The following BPTF variants were observed in gnomAD, a reference collection of about 807,000 sequenced individuals.
BPTF encodes bromodomain PHD finger transcription factor.
BPTF carries 18 observed loss-of-function variants against 292.5 expected under a neutral mutation model. That is an observed-to-expected ratio of 0.06 (90% CI 0.04 to 0.09). BPTF has a LOEUF of 0.09. Among genes scored for constraint, BPTF ranks in the 10% least tolerant of loss-of-function variants. The probability of loss-of-function intolerance (pLI) is 1.00; values close to 1 mark genes in which losing one functional copy is unlikely to be tolerated. For missense variants in BPTF, 2,726 were observed against 3,498.7 expected (o/e 0.78, Z 5.57); for synonymous variants, 1,225 against 1,251.9 (o/e 0.98, Z 0.45).
Position 67,904,786 on chromosome 17 carries a change from G to T in BPTF, c.2758G>T (p.Val920Phe). Reference sequence around the variant, plus strand: ...TAGTAAAACTCATGTTTATAGGTTTGTTCCTAAATTGCCAGGCAATACTAA... The same window carrying T: ...TAGTAAAACTCATGTTTATAGGTTTTTTCCTAAATTGCCAGGCAATACTAA... ...WISKTHVYRF[V>F]PKLPGNTNVN... is the part of the protein sequence containing the mutation. Residue 920 changes from valine to phenylalanine, a missense_variant, in exon 9 of 28, where the codon GTT becomes TTT. Val to Phe is a conservative substitution (Grantham distance 50, BLOSUM62 -1). Coordinates refer to ENST00000306378, the MANE Select transcript of BPTF (RefSeq NM_182641.4). 1.9e-6 allele frequency: 3 copies of T among 1,613,146 alleles called. No individual in the cohort carries two copies. Among genetic ancestry groups the T allele is most frequent in the Non-Finnish European group, 2.5e-6 (3 of 1,179,268 alleles).
Position 67,866,477 on chromosome 17 carries a change from G to A in BPTF, c.1450G>A (p.Glu484Lys). 1 of 1,607,782 alleles carries A rather than the reference G, an allele frequency of 6.2e-7. No homozygotes were observed. The highest frequency in any genetic ancestry group is 8.5e-7 in the Non-Finnish European group (1 of 1,174,372). Residue 484 changes from glutamate (E) to lysine (K), a missense_variant, in exon 3 of 28, where the codon GAA becomes AAA. Glu to Lys is a moderately conservative substitution (Grantham distance 56, BLOSUM62 1). Around this residue, in one of 22 missense-constraint regions of BPTF, gnomAD observed 187 missense variants for 201.5 expected, o/e 0.93. Coordinates refer to ENST00000306378, the MANE Select transcript of BPTF (RefSeq NM_182641.4). ...ATTTTTAAACAGAGAAGAAGATACA[G>A]AAAATGAAAATGAAAAGAAAATTTG... is the stretch of plus-strand genomic sequence containing the variant. ...NRRLIIEEDT[E>K]NENEKKIWYY...
intron 1 of BPTF, among the ~76,000 whole-genome samples, chr17:67,842,386 C>T (rs2057626563): frequency 6.6e-6 from 1 of 152,128 alleles, no homozygotes; most frequent in East Asian, 1.9e-4. Context: ...ATGTGATAGT[C>T]CTCAGCATTT....
At chr17:67,828,233 T>C (rs1456299788) in intron 1 of BPTF, among the ~76,000 whole-genome samples, 4 of 152,034 alleles carry the variant, frequency 2.6e-5, no homozygotes, top group Non-Finnish European at 4.4e-5. Flanking sequence ...CCCAGCCTAG[T>C]ACGTTTTTTA....
intron 22 of BPTF, 65 bp from the exon 23 acceptor site, chr17:67,948,016 A>G: frequency 6.7e-7 from 1 of 1,481,678 alleles, no homozygotes; most frequent in Admixed American, 1.8e-5. Flanking sequence ...GGCATAGAAG[A>G]ATGATGTCTT....
intron 25 of BPTF, chr17:67,965,657 G>A (rs1369363367): frequency 3.9e-5 from 6 of 151,924 alleles, no homozygotes; most frequent in Non-Finnish European, 8.8e-5. Flanking sequence ...AGCCAAGATC[G>A]AGCCACGGCA....
At chr17:67,938,259 C>G (rs1484583411) in intron 18 of BPTF, among the ~76,000 whole-genome samples, 2 of 152,206 alleles carry the variant, frequency 1.3e-5, no homozygotes, top group African/African-American at 4.8e-5. Flanking sequence ...GGCAATGTAT[C>G]TGTACCAGGT....
In BPTF at chr17:67,946,046, T is replaced by G. The variant is rs369797684; in HGVS notation, c.7338T>G (p.Ser2446=). 70 of 1,614,076 alleles carry G rather than the reference T, an allele frequency of 4.3e-5. No homozygotes were observed. The highest frequency in any genetic ancestry group is 5.7e-5 in the Non-Finnish European group (67 of 1,180,038). ...PQLQQQVQVL[S]QIQSQVVAQI... ...TGCAACAACAAGTCCAGGTTCTCTCTCAGATCCAGTCACAGGTTGTGGCTC... is the reference window on the plus strand; with the variant it reads ...TGCAACAACAAGTCCAGGTTCTCTCGCAGATCCAGTCACAGGTTGTGGCTC... The change falls in exon 21 of 28, where the codon TCT becomes TCG. Residue 2446 remains serine (S), a synonymous_variant. Coordinates refer to ENST00000306378, the MANE Select transcript of BPTF (RefSeq NM_182641.4).
At chr17:67,906,719 A>AT (rs1355632803) in intron 9 of BPTF, among the ~76,000 whole-genome samples, 2 of 152,082 alleles carry the variant, frequency 1.3e-5, no homozygotes, top group Non-Finnish European at 2.9e-5. Context: ...AAATAGATAT[A>AT]TTTTTTATAT....
chr17:67,981,817 T>G, intron 27 of BPTF: 2 of 820,474 alleles, frequency 2.4e-6, no homozygotes, highest in South Asian at 1.1e-4. Context: ...GCTTTTTCTT[T>G]TGTTTTAGCG....
chr17:67,942,383 C>G (rs1461844659), intron 19 of BPTF, among the ~76,000 whole-genome samples: 1 of 151,910 alleles, frequency 6.6e-6, no homozygotes, highest in Non-Finnish European at 1.5e-5. Context: ...TCCCAAATTC[C>G]AAAAAACTGC....
Position 67,959,715 on chromosome 17 carries a change from A to C in BPTF, c.8101A>C (p.Thr2701Pro). The change falls in exon 24 of 28, where the codon ACG (threonine) becomes CCG (proline). Residue 2701 changes from threonine (T) to proline (P), a missense_variant. Thr to Pro is a conservative substitution (Grantham distance 38). This residue lies in a region of BPTF where 148 missense variants were observed against 145.5 expected (regional missense o/e 1.02). Transcript: ENST00000306378. ...PAVQHTGLLSTPTLPAASQKR... is the reference protein window; with the variant it reads ...PAVQHTGLLSPPTLPAASQKR... ...TGTGCAACACACAGGCCTTCTGTCC[A>C]CGCCCACCTTACCTGCTGCTTCCCA... 1 of 1,563,954 alleles carries C rather than the reference A, an allele frequency of 6.4e-7. No homozygotes were observed. Among genetic ancestry groups the C allele is most frequent in the Non-Finnish European group, 8.6e-7 (1 of 1,160,844 alleles).
chr17:67,865,274 CTTCT>C (rs2059333416), intron 2 of BPTF, among the ~76,000 whole-genome samples: 1 of 152,262 alleles, frequency 6.6e-6, no homozygotes, highest in African/African-American at 2.4e-5. Context: ...TAATATAGGC[CTTCT>C]TTCTTCAGAA....
At chr17:67,907,544 C>T (rs1449510545) in intron 9 of BPTF, among the ~76,000 whole-genome samples, 3 of 151,864 alleles carry the variant, frequency 2.0e-5, no homozygotes, top group Non-Finnish European at 2.9e-5. Flanking sequence ...TTAATAGAGA[C>T]GGGGTTTTGC....
At chr17:67,884,138 CTTT>C (rs200471908) in intron 4 of BPTF, among the ~76,000 whole-genome samples, 3 of 134,428 alleles carry the variant, frequency 2.2e-5, no homozygotes, top group Admixed American at 7.4e-5. Flanking sequence ...CATTTTCTTT[CTTT>C]TTTTTTTTTT....
At chr17:67,978,648 G>A (rs1190276346) in intron 27 of BPTF, among the ~76,000 whole-genome samples, 4 of 152,102 alleles carry the variant, frequency 2.6e-5, no homozygotes, top group Non-Finnish European at 4.4e-5. Flanking sequence ...GGAAAGCAAT[G>A]AGAATTACTC....
At position 67,947,773 on chromosome 17, in the gene BPTF, G is replaced by A. The variant is rs750327227; in HGVS notation, c.7665G>A (p.Lys2555=). ...TAATAGAACATTTAAAACAGAAAAA[G>A]AGCATGACTCCAGCTGAAAGAGAAG... ...NAVIEHLKQK[K]SMTPAEREEN... is the part of the protein sequence containing the mutation. The change falls in exon 22 of 28, where the codon AAG becomes AAA. Residue 2555 remains lysine (K), a synonymous_variant. Coordinates refer to ENST00000306378, the MANE Select transcript of BPTF (RefSeq NM_182641.4). 101 of 1,553,864 alleles carry A rather than the reference G, an allele frequency of 6.5e-5. No individual in the cohort carries two copies. Among genetic ancestry groups the A allele is most frequent in the Non-Finnish European group, 8.7e-5 (100 of 1,148,010 alleles).
intron 23 of BPTF, among the ~76,000 whole-genome samples, chr17:67,953,879 T>G (rs1324767407): frequency 2.6e-5 from 4 of 151,368 alleles, no homozygotes; most frequent in Non-Finnish European, 5.9e-5. Context: ...TGTGCCTGGC[T>G]GTATAATTTC....
chr17:67,945,604 T>C lies in BPTF; in HGVS notation c.6896T>C (p.Val2299Ala), dbSNP rs146431435. Reference protein sequence around the residue: ...AQPEVQTQPEVQTQTTVSSHV... With the variant: ...AQPEVQTQPEAQTQTTVSSHV... ...CCTGAAGTTCAGACTCAGCCTGAAG[T>C]TCAGACCCAAACAACTGTTTCATCC... The change falls in exon 21 of 28, where the codon GTT becomes GCT. Residue 2299 changes from valine to alanine, a missense_variant. Around this residue, in one of 22 missense-constraint regions of BPTF, gnomAD observed 570 missense variants for 633.5 expected, o/e 0.90. Coordinates refer to ENST00000306378, the MANE Select transcript of BPTF (RefSeq NM_182641.4). The C allele has an allele frequency of 1.7e-5, 28 of 1,612,788 alleles. No homozygotes were observed. In the African/African-American group the frequency reaches 3.2e-4, roughly 18 times the overall value.
chr17:67,864,976 T>G (rs2059312223), intron 2 of BPTF, among the ~76,000 whole-genome samples: 1 of 152,034 alleles, frequency 6.6e-6, no homozygotes, highest in Non-Finnish European at 1.5e-5. Context: ...GGCTAATTTT[T>G]TTTGTATTTT....
Sources: allele counts gnomAD v4.1 joint callset (sites outside exome capture counted in the v4.1 genomes callset), GRCh38; gene constraint gnomAD v4.1.1; regional missense constraint gnomAD v4.1.1; transcripts MANE v1.5; gene names NCBI Gene and HGNC (gene_info 2026-07-23, HGNC 2026-07-21).